The following PTPRT variants were observed in gnomAD, a reference collection of about 807,000 sequenced individuals.
PTPRT encodes protein tyrosine phosphatase receptor type T, also known as receptor-type tyrosine-protein phosphatase T.
A neutral mutation model predicts 176.8 loss-of-function variants in PTPRT; 56 were observed. The observed-to-expected ratio is 0.32, with a 90% CI of 0.26 to 0.40. PTPRT has a LOEUF of 0.40. Ranked by LOEUF, PTPRT falls within the 10% of genes least tolerant of loss-of-function variation. The pLI is 1.00. For synonymous variants in PTPRT, 783 were observed against 739.0 expected (o/e 1.06, Z -0.96); for missense variants, 1,540 against 1,908.2 (o/e 0.81, Z 3.60).
intron 1 of PTPRT, among the ~76,000 whole-genome samples, chr20:42,917,179 T>C (rs1978824798): frequency 6.6e-6 from 1 of 152,170 alleles, no homozygotes; most frequent in Non-Finnish European, 1.5e-5. Flanking sequence ...TTTCTACATA[T>C]GGCTAGCCAG....
chr20:42,580,446 C>T (rs910627147), intron 7 of PTPRT, among the ~76,000 whole-genome samples: 2 of 152,096 alleles, frequency 1.3e-5, no homozygotes, highest in Non-Finnish European at 2.9e-5. Flanking sequence ...TGAGGAAAGT[C>T]ATTGGTAGCT....
chr20:42,185,861 G>A (rs758644734), intron 16 of PTPRT, among the ~76,000 whole-genome samples: 1 of 151,936 alleles, frequency 6.6e-6, no homozygotes, highest in Non-Finnish European at 1.5e-5. Flanking sequence ...CTTCCCTCTC[G>A]AGCTTGCCAT....
chr20:42,085,684 T>C (rs780655423), intron 28 of PTPRT, 44 bp downstream of exon 28: 28 of 1,610,956 alleles, frequency 1.7e-5, no homozygotes, highest in Non-Finnish European at 2.2e-5. Flanking sequence ...TCCATCTGTC[T>C]TGGGGAGGAG....
At chr20:42,455,747 T>A (rs767608652) in intron 8 of PTPRT, among the ~76,000 whole-genome samples, 5 of 152,176 alleles carry the variant, frequency 3.3e-5, no homozygotes, top group Non-Finnish European at 7.4e-5. Flanking sequence ...TTTCCACATA[T>A]GTATGGGTCT....
chr20:42,821,697 A>G (rs1445842675), intron 2 of PTPRT, among the ~76,000 whole-genome samples: 2 of 152,214 alleles, frequency 1.3e-5, no homozygotes, highest in African/African-American at 4.8e-5. Flanking sequence ...TGAACTGATA[A>G]GCAACTTCAG....
intron 1 of PTPRT, among the ~76,000 whole-genome samples, chr20:42,961,691 T>C (rs1158852515): frequency 6.6e-6 from 1 of 152,174 alleles, no homozygotes; most frequent in East Asian, 1.9e-4. Context: ...CTGTGGTCAG[T>C]TGAATGATGG....
At chr20:42,858,756 G>T (rs747626097) in intron 2 of PTPRT, among the ~76,000 whole-genome samples, 9 of 152,214 alleles carry the variant, frequency 5.9e-5, no homozygotes, top group Non-Finnish European at 1.2e-4. Context: ...CAACTGGACT[G>T]ACAGATGTCA....
At position 42,142,117 on chromosome 20, in the gene PTPRT, G is replaced by A; in HGVS notation, c.2683-115C>T. ...TGCGATGGGACTCCTAGTGGAAAGG[G>A]ATAGATGTCCTTGGATGGGGCCTGG... On this transcript the variant is annotated intron_variant, in intron 17 of 30. Transcript: ENST00000373187. 3.6e-6 allele frequency: 3 copies of A among 834,250 alleles called. No individual in the cohort carries two copies. In the South Asian group the frequency reaches 4.2e-5, roughly 12 times the overall value. 51.7% of individuals were successfully genotyped at this position (834,250 alleles called of 1,614,324 possible).
chr20:42,435,023 A>C (rs560831903), intron 9 of PTPRT, among the ~76,000 whole-genome samples: 12 of 152,162 alleles, frequency 7.9e-5, no homozygotes, highest in Non-Finnish European at 1.6e-4. Flanking sequence ...AATTTTAAAA[A>C]GAAAAGAAAA....
intron 9 of PTPRT, among the ~76,000 whole-genome samples, chr20:42,445,521 C>T (rs1448392757): frequency 6.6e-6 from 1 of 152,156 alleles, no homozygotes; most frequent in Non-Finnish European, 1.5e-5. Flanking sequence ...TTTTGATACA[C>T]AAGATTACAC....
intron 14 of PTPRT, among the ~76,000 whole-genome samples, chr20:42,241,873 A>G (rs1184346144): frequency 6.6e-6 from 1 of 152,120 alleles, no homozygotes; most frequent in Non-Finnish European, 1.5e-5. Context: ...AGAATTTGGC[A>G]TCTCAGCAGG....
At chr20:42,292,354 C>G (rs920705042) in intron 12 of PTPRT, among the ~76,000 whole-genome samples, 3 of 150,090 alleles carry the variant, frequency 2.0e-5, no homozygotes, top group Non-Finnish European at 4.4e-5. Context: ...CTTTTTGAAA[C>G]AGAGTTTTGC....
At position 42,649,643 on chromosome 20, in the gene PTPRT, A is replaced by G. The variant is rs547944266; in HGVS notation, c.1153+28223T>C. On this transcript the variant is annotated intron_variant, in intron 7 of 30. Transcript: ENST00000373187. ...AGATATGAATGCTGGTTAAAGTAATAACTCCCTCATCTCTGGGGAGTATGG... is the reference window on the plus strand; with the variant it reads ...AGATATGAATGCTGGTTAAAGTAATGACTCCCTCATCTCTGGGGAGTATGG... Among the ~76,000 whole-genome samples the G allele has an allele frequency of 1.1e-3, 166 of 152,258 alleles. 1 individual carries two copies. Among genetic ancestry groups the G allele is most frequent in the African/African-American group, 3.9e-3 (162 of 41,526 alleles).
intron 2 of PTPRT, among the ~76,000 whole-genome samples, chr20:42,872,954 T>G (rs569810372): frequency 6.6e-6 from 1 of 152,170 alleles, no homozygotes; most frequent in African/African-American, 2.4e-5. Flanking sequence ...GCAGTAGAGA[T>G]AATGCCTACC....
intron 7 of PTPRT, among the ~76,000 whole-genome samples, chr20:42,651,052 G>C (rs1480815799): frequency 6.6e-6 from 1 of 151,936 alleles, no homozygotes; most frequent in African/African-American, 2.4e-5. Flanking sequence ...GTAGCCTTTA[G>C]TTTATTTTAC....
chr20:42,086,746 A>AT lies in PTPRT; in HGVS notation c.3847-894_3847-893insA, dbSNP rs1363702807. Among the ~76,000 whole-genome samples, 38 of 74,710 alleles carry AT rather than the reference A, an allele frequency of 5.1e-4. 1 individual carries two copies. The highest frequency in any genetic ancestry group is 1.8e-3 in the African/African-American group (35 of 19,224). The allele number at this position is 74,710 out of a possible 152,430, so 49.0% of individuals were successfully genotyped here. ...CATCTCAAAAAAAAAAAAAAAAAAA[A>AT]AAAAAAAATATATATATATATGGGT... On this transcript the variant is annotated intron_variant, in intron 27 of 30. Transcript: ENST00000373187.
At chr20:42,604,628 C>T (rs2073840465) in intron 7 of PTPRT, among the ~76,000 whole-genome samples, 3 of 152,138 alleles carry the variant, frequency 2.0e-5, no homozygotes, top group African/African-American at 4.8e-5. Flanking sequence ...TTCTCATGCA[C>T]ACATCCACTA....
At chr20:42,701,232 T>G (rs1490455078) in intron 6 of PTPRT, among the ~76,000 whole-genome samples, 2 of 152,156 alleles carry the variant, frequency 1.3e-5, no homozygotes, top group African/African-American at 2.4e-5. Context: ...GGCAGTAATG[T>G]GAGTCATTCC....
chr20:42,433,258 A>T (rs891801808), intron 9 of PTPRT, among the ~76,000 whole-genome samples: 1 of 152,186 alleles, frequency 6.6e-6, no homozygotes, highest in African/African-American at 2.4e-5. Context: ...CTGTTGTGAA[A>T]AGGATTGGAA....
Sources: allele counts gnomAD v4.1 joint callset (sites outside exome capture counted in the v4.1 genomes callset), GRCh38; gene constraint gnomAD v4.1.1; transcripts MANE v1.5; gene names NCBI Gene and HGNC (gene_info 2026-07-23, HGNC 2026-07-21).